PCDHA1: variants seen among roughly 807,000 people sequenced by gnomAD.
PCDHA1 encodes protocadherin alpha-1.
A neutral mutation model predicts 61.3 loss-of-function variants in PCDHA1; 42 were observed. The observed-to-expected ratio is 0.69, with a 90% CI of 0.54 to 0.89. The LOEUF is 0.89. Ranked by LOEUF, PCDHA1 falls within the 40% of genes least tolerant of loss-of-function variation. The pLI, the probability that PCDHA1 is intolerant of heterozygous loss-of-function variation, is 0.00. For missense variants in PCDHA1, 1,256 were observed against 1,235.3 expected, an observed-to-expected ratio of 1.02 and a Z score of -0.25; for synonymous variants, 610 against 553.8, an observed-to-expected ratio of 1.10 and a Z score of -1.43.
intron 1 of PCDHA1, among the ~76,000 whole-genome samples, chr5:140,820,664 A>C (rs2150107541): frequency 7.2e-5 from 11 of 152,100 alleles, no homozygotes; most frequent in Non-Finnish European, 1.6e-4. Flanking sequence ...TTAAACTAAT[A>C]TAAAGATAGC....
intron 1 of PCDHA1, chr5:140,841,215 G>C: frequency 7.1e-7 from 1 of 1,415,722 alleles, no homozygotes; most frequent in African/African-American, 1.4e-5. Flanking sequence ...TGTCTCTAAA[G>C]GCCGAACAAC....
intron 1 of PCDHA1, chr5:140,851,186 T>C (rs2041985954): frequency 8.1e-7 from 1 of 1,234,476 alleles, no homozygotes; most frequent in Non-Finnish European, 1.0e-6. Context: ...TGAAAACCAA[T>C]TTAGTTGTTA....
At chr5:140,796,647 C>T in intron 1 of PCDHA1, 2 of 1,613,846 alleles carry the variant, frequency 1.2e-6, no homozygotes, top group Non-Finnish European at 8.5e-7. Context: ...AGAACGACAA[C>T]GCGCCGGCAC....
chr5:140,849,846 A>T, intron 1 of PCDHA1: 5 of 1,598,504 alleles, frequency 3.1e-6, no homozygotes, highest in Non-Finnish European at 4.3e-6. Flanking sequence ...CGTGAACGAC[A>T]ACGCACCAGC....
chr5:140,830,932 C>T (rs2150190420), intron 1 of PCDHA1: 7 of 152,266 alleles, frequency 4.6e-5, no homozygotes, highest in African/African-American at 1.7e-4. Flanking sequence ...TTTCTGTCGA[C>T]ACTTTTATTA....
intron 1 of PCDHA1, among the ~76,000 whole-genome samples, chr5:140,819,706 G>A (rs2150054349): frequency 1.3e-5 from 2 of 152,142 alleles, no homozygotes; most frequent in East Asian, 3.9e-4. Context: ...AATTTAAAAA[G>A]TAAATATAAT....
At chr5:140,897,356 CCA>C (rs2066046729) in intron 1 of PCDHA1, among the ~76,000 whole-genome samples, 1 of 134,770 alleles carries the variant, frequency 7.4e-6, no homozygotes, top group South Asian at 2.4e-4. Context: ...ACAACTGTCC[CCA>C]GAGTGTGATG....
At chr5:140,842,539 G>T (rs182995378) in intron 1 of PCDHA1, 7 of 1,610,436 alleles carry the variant, frequency 4.3e-6, no homozygotes, top group African/African-American at 1.3e-5. Context: ...ATTACTACTC[G>T]TTGGTGCTGG....
At chr5:140,940,139 C>G (rs984432706) in intron 1 of PCDHA1, among the ~76,000 whole-genome samples, 16 of 152,010 alleles carry the variant, frequency 1.1e-4, no homozygotes, top group Admixed American at 1.0e-3. Context: ...TAGTGATAAA[C>G]TATTATAGTT....
chr5:140,870,774 G>GAACGAC (rs781868424), intron 1 of PCDHA1: 1 of 1,613,632 alleles, frequency 6.2e-7, no homozygotes, highest in South Asian at 1.1e-5. Context: ...TGCTGGACGA[G>GAACGAC]AACGACAACG....
intron 1 of PCDHA1, chr5:140,813,746 A>G (rs1765372320): frequency 6.6e-6 from 1 of 152,412 alleles, no homozygotes; most frequent in Non-Finnish European, 1.5e-5. Flanking sequence ...CTGTAATCCC[A>G]GCACTTTGGG....
chr5:140,828,538 T>C (rs2150156522), intron 1 of PCDHA1: 19 of 1,614,100 alleles, frequency 1.2e-5, no homozygotes, highest in African/African-American at 6.7e-5. Context: ...GGCTGCCAGA[T>C]TCTGTGTTTC....
chr5:140,890,702 A>G (rs552792120), intron 1 of PCDHA1, among the ~76,000 whole-genome samples: 1 of 152,318 alleles, frequency 6.6e-6, no homozygotes, highest in African/African-American at 2.4e-5. Flanking sequence ...GGGACCTTAC[A>G]TTTTTAAAAT....
At chr5:140,824,227 T>A in intron 1 of PCDHA1, 5 of 1,544,522 alleles carry the variant, frequency 3.2e-6, no homozygotes, top group Non-Finnish European at 4.5e-6. Context: ...TATGTCTTAG[T>A]ACACAAATAT....
At chr5:140,899,983 T>C (rs1313036603) in intron 1 of PCDHA1, among the ~76,000 whole-genome samples, 5 of 151,754 alleles carry the variant, frequency 3.3e-5, no homozygotes, top group Non-Finnish European at 7.4e-5. Flanking sequence ...ACTTTTTTGA[T>C]TTTTTTTGTA....
At chr5:140,968,494 C>T in intron 1 of PCDHA1, 1 of 1,614,096 alleles carries the variant, frequency 6.2e-7, no homozygotes, top group Non-Finnish European at 8.5e-7. Flanking sequence ...ATGACCATGC[C>T]CCTCACATTC....
At chr5:140,843,585 C>A in intron 1 of PCDHA1, 2 of 1,596,014 alleles carry the variant, frequency 1.3e-6, no homozygotes, top group East Asian at 2.2e-5. Context: ...CAACAACAGC[C>A]GCAGAGGGTG....
intron 1 of PCDHA1, chr5:140,856,894 T>C (rs1389376451): frequency 6.3e-7 from 1 of 1,596,592 alleles, no homozygotes; most frequent in Non-Finnish European, 8.6e-7. Context: ...CATTTAGCTC[T>C]TTGGTCCCAC....
intron 1 of PCDHA1, chr5:140,823,030 G>T: frequency 6.2e-7 from 1 of 1,614,220 alleles, no homozygotes; most frequent in Non-Finnish European, 8.5e-7. Context: ...GAGCGTGTCG[G>T]TCTATGAGCT....
Sources: gnomAD v4.1 joint callset for allele counts (sites outside exome capture counted in the v4.1 genomes callset) on GRCh38, gnomAD v4.1.1 for gene constraint, MANE v1.5 for transcripts, NCBI Gene and HGNC (gene_info 2026-07-23, HGNC 2026-07-21) for gene names.